Variants in BAIAP2L1 observed in about 807,000 individuals in gnomAD.
BAIAP2L1 encodes BAR/IMD domain-containing adapter protein 2-like 1.
BAIAP2L1 carries 35 observed loss-of-function variants against 66.3 expected under a neutral mutation model. The ratio of observed to expected loss-of-function variants is 0.53; its 90% CI spans 0.40 to 0.70. The LOEUF (loss-of-function observed/expected upper bound fraction) is 0.70, where lower values mean the gene tolerates loss of function less well. Ranked by LOEUF, BAIAP2L1 falls within the 30% of genes least tolerant of loss-of-function variation. BAIAP2L1 has a pLI of 0.00. For missense variants in BAIAP2L1, 622 were observed against 656.9 expected (o/e 0.95, Z 0.58); for synonymous variants, 269 against 248.7 (o/e 1.08, Z -0.77).
chr7:98,292,554 C>T lies in BAIAP2L1; in HGVS notation c.*967G>A. The T allele has an allele frequency of 5.4e-6, 7 of 1,303,476 alleles. No individual in the cohort carries two copies. Among genetic ancestry groups the T allele is most frequent in the Non-Finnish European group, 7.6e-6 (7 of 922,948 alleles). The allele number at this position is 1,303,476 out of a possible 1,614,324, so 80.7% of individuals were successfully genotyped here. On this transcript the variant is annotated 3_prime_UTR_variant, in exon 14 of 14. Coordinates refer to ENST00000005260, the MANE Select transcript of BAIAP2L1 (RefSeq NM_018842.5). The stretch of plus-strand genomic sequence containing the variant: ...TTTCCAGCCCCGGGCTCAGGGCAGC[C>T]AGTGCGTAGTCCTCACATCCATACC...
intron 8 of BAIAP2L1, among the ~76,000 whole-genome samples, chr7:98,311,325 C>T (rs982492730): frequency 2.6e-4 from 39 of 151,882 alleles, no homozygotes; most frequent in Non-Finnish European, 2.6e-4. Context: ...GGGCGGATCA[C>T]GAGGTCAGGA....
chr7:98,296,338 G>A (rs532686784), intron 12 of BAIAP2L1, among the ~76,000 whole-genome samples: 112 of 152,298 alleles, frequency 7.4e-4, no homozygotes, highest in Middle Eastern at 3.4e-3. Context: ...TTTAAAATAT[G>A]TATTGGGCCA....
chr7:98,340,488 T>C (rs1022101474), intron 3 of BAIAP2L1, among the ~76,000 whole-genome samples: 4 of 151,920 alleles, frequency 2.6e-5, no homozygotes, highest in African/African-American at 9.7e-5. Flanking sequence ...GGGGTTTCAC[T>C]GTGTTAGCCA....
At position 98,400,890 on chromosome 7, in the gene BAIAP2L1, G is replaced by A. The variant is rs1383920336; in HGVS notation, c.-38C>T. The A allele has an allele frequency of 2.0e-6, 3 of 1,519,020 alleles. No individual in the cohort carries two copies. The highest frequency in any genetic ancestry group is 1.4e-5 in the African/African-American group (1 of 69,452). 94.1% of individuals were successfully genotyped at this position (1,519,020 alleles called of 1,614,324 possible). ...CGGGCGAGCAAGCGCGGGAGGACGC[G>A]GCTGGGCCTCGTGGCCGCCGGACTC... On this transcript the variant is annotated 5_prime_UTR_variant, in exon 1 of 14. Coordinates refer to ENST00000005260, the MANE Select transcript of BAIAP2L1 (RefSeq NM_018842.5).
intron 3 of BAIAP2L1, among the ~76,000 whole-genome samples, chr7:98,321,015 C>T (rs955072645): frequency 1.2e-4 from 19 of 152,110 alleles, no homozygotes; most frequent in African/African-American, 4.1e-4. Flanking sequence ...CACCACCACA[C>T]TCAGCTATTT....
At chr7:98,293,690 T>C (rs1278162216) in intron 13 of BAIAP2L1, 94 bp from the exon 14 acceptor site, 3 of 1,268,802 alleles carry the variant, frequency 2.4e-6, no homozygotes, top group Non-Finnish European at 3.4e-6. Context: ...CCTGTGAGAC[T>C]GGGCGGCTGA....
chr7:98,399,124 T>C (rs546887703), intron 1 of BAIAP2L1, among the ~76,000 whole-genome samples: 2 of 152,324 alleles, frequency 1.3e-5, no homozygotes, highest in East Asian at 1.9e-4. Flanking sequence ...ATTTAAATAG[T>C]AGCAATCTCA....
chr7:98,306,663 T>C, intron 10 of BAIAP2L1, 147 bp from the exon 11 acceptor site: 1 of 1,165,988 alleles, frequency 8.6e-7, no homozygotes, highest in Non-Finnish European at 1.2e-6. Context: ...AGGCTTTTAA[T>C]AGGTAAATAT....
At position 98,380,736 on chromosome 7, in the gene BAIAP2L1, GTT is replaced by G. The variant is rs11293027; in HGVS notation, c.52-18306_52-18305del. 6.3e-3 allele frequency among the ~76,000 whole-genome samples: 728 copies of G among 115,158 alleles called. 10 individuals carry two copies. Among genetic ancestry groups the G allele is most frequent in the African/African-American group, 0.02 (587 of 29,910 alleles). 75.5% of individuals were successfully genotyped at this position (115,158 alleles called of 152,430 possible). ...AAGCATAAGCCACCATATCCGGTCC[GTT>G]TTTTTTTTTTTTTTAATAAAAAAAA... is the stretch of plus-strand genomic sequence containing the variant. On this transcript the variant is annotated intron_variant, in intron 1 of 13. Coordinates refer to ENST00000005260, the MANE Select transcript of BAIAP2L1 (RefSeq NM_018842.5).
chr7:98,294,422 G>A (rs966813155), intron 12 of BAIAP2L1, among the ~76,000 whole-genome samples: 7 of 152,192 alleles, frequency 4.6e-5, no homozygotes, highest in Non-Finnish European at 8.8e-5. Context: ...AACAGAAAAC[G>A]CTCTGAAAGG....
chr7:98,359,410 T>A (rs1442720593), intron 2 of BAIAP2L1, among the ~76,000 whole-genome samples: 2 of 151,912 alleles, frequency 1.3e-5, no homozygotes, highest in Non-Finnish European at 2.9e-5. Flanking sequence ...GTAGGTGGGA[T>A]TACAGGCACC....
chr7:98,317,447 T>C, intron 5 of BAIAP2L1, 91 bp from the exon 6 acceptor site: 1 of 1,505,996 alleles, frequency 6.6e-7, no homozygotes, highest in Admixed American at 1.8e-5. Context: ...TGTGTGTGGC[T>C]CAACGGGGCC....
intron 13 of BAIAP2L1, 132 bp downstream of exon 13, chr7:98,293,942 C>A (rs1231137888): frequency 1.6e-5 from 17 of 1,068,108 alleles, no homozygotes; most frequent in East Asian, 7.2e-5. Context: ...GGGCTGCACT[C>A]CCCCATGGCT....
At chr7:98,397,906 C>T (rs542318744) in intron 1 of BAIAP2L1, among the ~76,000 whole-genome samples, 5 of 152,234 alleles carry the variant, frequency 3.3e-5, no homozygotes, top group Non-Finnish European at 7.4e-5. Flanking sequence ...TGGGAGTTAG[C>T]ATGGATCTCC....
intron 1 of BAIAP2L1, among the ~76,000 whole-genome samples, chr7:98,399,780 C>T (rs539417778): frequency 3.3e-5 from 5 of 152,334 alleles, no homozygotes; most frequent in Non-Finnish European, 7.3e-5. Flanking sequence ...AAAATTCTCT[C>T]CTAATACATG....
intron 3 of BAIAP2L1, among the ~76,000 whole-genome samples, chr7:98,340,194 T>C (rs1562776359): frequency 6.6e-6 from 1 of 152,218 alleles, no homozygotes; most frequent in Non-Finnish European, 1.5e-5. Context: ...ACGTTTCAGG[T>C]TGACACTTAG....
At chr7:98,349,772 G>A (rs1027633648) in intron 3 of BAIAP2L1, among the ~76,000 whole-genome samples, 2 of 152,078 alleles carry the variant, frequency 1.3e-5, no homozygotes, top group Non-Finnish European at 2.9e-5. Context: ...CACTTTGGGA[G>A]GCCGATGGGA....
intron 12 of BAIAP2L1, among the ~76,000 whole-genome samples, 157 bp from the exon 13 acceptor site, chr7:98,294,268 C>T (rs918381069): frequency 1.3e-5 from 2 of 152,206 alleles, no homozygotes; most frequent in African/African-American, 4.8e-5. Context: ...GCTGGGACTA[C>T]AGGTGTGAGC....
At position 98,362,421 on chromosome 7, in the gene BAIAP2L1, T is replaced by A; in HGVS notation, c.63A>T (p.Glu21Asp). The part of the protein sequence containing the change: ...LTESTYRNVM[E>D]QFNPGLRNLI... The stretch of plus-strand genomic sequence containing the variant: ...AATTTCGCAGCCCAGGATTGAACTG[T>A]TCCATAACATTCTGCCAAACAAACA... Residue 21 changes from glutamate (E) to aspartate (D), a missense_variant, in exon 2 of 14, where the codon GAA (glutamate) becomes GAT (aspartate). Physicochemically the swap from Glu to Asp is conservative, Grantham distance 45. Coordinates refer to ENST00000005260, the MANE Select transcript of BAIAP2L1 (RefSeq NM_018842.5). 1 of 1,599,854 alleles carries A rather than the reference T, an allele frequency of 6.3e-7. No homozygotes were observed. Among genetic ancestry groups the A allele is most frequent in the Non-Finnish European group, 8.5e-7 (1 of 1,176,282 alleles).
Sources: gnomAD v4.1 joint callset for allele counts (sites outside exome capture counted in the v4.1 genomes callset) on GRCh38, gnomAD v4.1.1 for gene constraint, MANE v1.5 for transcripts, NCBI Gene and HGNC (gene_info 2026-07-23, HGNC 2026-07-21) for gene names.